The following SNX25 variants were observed in gnomAD, a reference collection of about 807,000 sequenced individuals.
The protein encoded by SNX25 is sorting nexin-25.
A neutral mutation model predicts 113.7 loss-of-function variants in SNX25; 62 were observed. The ratio of observed to expected loss-of-function variants is 0.55; its 90% CI spans 0.44 to 0.67. SNX25 has a LOEUF of 0.67. Ranked by LOEUF, SNX25 falls within the 30% of genes least tolerant of loss-of-function variation. The pLI, the probability that SNX25 is intolerant of heterozygous loss-of-function variation, is 0.00. For missense variants in SNX25, 1,014 were observed against 1,161.0 expected (o/e 0.87, Z 1.84); for synonymous variants, 421 against 436.2 (o/e 0.97, Z 0.43).
At chr4:185,301,413 A>G (rs1175372626) in intron 6 of SNX25, among the ~76,000 whole-genome samples, 1 of 151,894 alleles carries the variant, frequency 6.6e-6, no homozygotes, top group Non-Finnish European at 1.5e-5. Flanking sequence ...TGTTTTGGAG[A>G]CGGAGTCTCA....
At chr4:185,264,396 T>C (rs540306492) in intron 3 of SNX25, 42 bp from the exon 4 acceptor site, 1 of 1,582,776 alleles carries the variant, frequency 6.3e-7, no homozygotes, top group East Asian at 2.2e-5. Flanking sequence ...ATTGAATTGT[T>C]TCTAGAAACT....
At chr4:185,273,760 G>A (rs533131402) in intron 5 of SNX25, among the ~76,000 whole-genome samples, 2 of 152,270 alleles carry the variant, frequency 1.3e-5, no homozygotes, top group East Asian at 1.9e-4. Context: ...TACGTGAGAT[G>A]ATGCAGTGTT....
intron 18 of SNX25, 105 bp downstream of exon 18, chr4:185,362,816 C>A: frequency 2.4e-5 from 15 of 626,958 alleles, no homozygotes; most frequent in Non-Finnish European, 3.1e-5. Context: ...CTCATTCTCA[C>A]ATACTAGTCA....
In SNX25 at chr4:185,353,478, T is replaced by C. The variant is rs1311112327; in HGVS notation, c.2467-7T>C. On this transcript the variant is annotated splice_region_variant and splice_polypyrimidine_tract_variant and intron_variant, in intron 14 of 18. Transcript: ENST00000652585. ...ATCTGCTTCCTATGACTTTGCTGTA[T>C]TCCCAGGAGGAGACAGAGGAGGACA... The C allele has an allele frequency of 1.2e-6, 2 of 1,607,412 alleles. No individual in the cohort carries two copies. The highest frequency in any genetic ancestry group is 3.3e-5 in the Admixed American group (2 of 59,942).
intron 5 of SNX25, among the ~76,000 whole-genome samples, chr4:185,287,688 C>T (rs1751533345): frequency 6.6e-6 from 1 of 152,204 alleles, no homozygotes; most frequent in African/African-American, 2.4e-5. Flanking sequence ...AATCAGCTAG[C>T]TCTGCTCACC....
At chr4:185,212,365 A>G (rs1047508331) in intron 1 of SNX25, among the ~76,000 whole-genome samples, 3 of 151,858 alleles carry the variant, frequency 2.0e-5, no homozygotes, top group African/African-American at 7.3e-5. Flanking sequence ...TATTGCTTAG[A>G]ACTGAAATAC....
intron 15 of SNX25, among the ~76,000 whole-genome samples, chr4:185,354,816 A>G (rs1351030715): frequency 6.6e-6 from 1 of 152,248 alleles, no homozygotes; most frequent in Non-Finnish European, 1.5e-5. Context: ...TCATACCTAG[A>G]GCCTCAGTAC....
intron 5 of SNX25, among the ~76,000 whole-genome samples, chr4:185,278,066 G>T: frequency 6.6e-6 from 1 of 152,254 alleles, no homozygotes; most frequent in Non-Finnish European, 1.5e-5. Flanking sequence ...TTATTTAATT[G>T]TAAGTTTGTA....
intron 6 of SNX25, among the ~76,000 whole-genome samples, chr4:185,306,505 AG>A (rs1233775641): frequency 6.6e-6 from 1 of 152,182 alleles, no homozygotes; most frequent in Non-Finnish European, 1.5e-5. Context: ...ATTTTCTTCT[AG>A]GTTTTGTCCT....
At chr4:185,307,990 C>G (rs1754691886) in intron 6 of SNX25, among the ~76,000 whole-genome samples, 1 of 152,178 alleles carries the variant, frequency 6.6e-6, no homozygotes, top group Non-Finnish European at 1.5e-5. Flanking sequence ...AGCACCTACC[C>G]TCAAGTGACC....
chr4:185,357,865 G>A (rs982431260), intron 16 of SNX25, 128 bp downstream of exon 16: 23 of 779,092 alleles, frequency 3.0e-5, no homozygotes, highest in Middle Eastern at 4.7e-4. Context: ...TTTCGTTTCT[G>A]ATATGATTCT....
intron 5 of SNX25, among the ~76,000 whole-genome samples, chr4:185,285,633 C>G (rs1349636074): frequency 6.6e-6 from 1 of 152,246 alleles, no homozygotes; most frequent in East Asian, 1.9e-4. Flanking sequence ...CATACAGCAA[C>G]TTAAATGAGG....
At chr4:185,336,761 A>T (rs2095232601) in intron 10 of SNX25, among the ~76,000 whole-genome samples, 1 of 152,186 alleles carries the variant, frequency 6.6e-6, no homozygotes, top group Non-Finnish European at 1.5e-5. Context: ...TGGTTGTACT[A>T]GTTTACGTTC....
At chr4:185,332,103 T>C (rs1288571) in intron 9 of SNX25, among the ~76,000 whole-genome samples, 15,574 of 152,234 alleles carry the variant, frequency 0.1, 1,273 homozygotes, top group African/African-American at 0.23. Flanking sequence ...ACCTATTGAT[T>C]TGTAGAATAT....
chr4:185,246,666 G>A (rs909281380), intron 1 of SNX25, among the ~76,000 whole-genome samples: 1 of 151,890 alleles, frequency 6.6e-6, no homozygotes, highest in Non-Finnish European at 1.5e-5. Context: ...TTTACATTTC[G>A]ATTGCATCAT....
At chr4:185,284,471 G>T (rs1751066278) in intron 5 of SNX25, among the ~76,000 whole-genome samples, 1 of 152,186 alleles carries the variant, frequency 6.6e-6, no homozygotes, top group Non-Finnish European at 1.5e-5. Flanking sequence ...GATCTAGGTA[G>T]GTGGACAAGT....
At position 185,258,735 on chromosome 4, in the gene SNX25, T is replaced by C. The variant is rs1224821637; in HGVS notation, c.515-113T>C. 11 of 808,540 alleles carry C rather than the reference T, an allele frequency of 1.4e-5. No individual in the cohort carries two copies. The East Asian group carries it at 2.9e-4, about 21-fold the overall frequency. The allele number at this position is 808,540 out of a possible 1,614,324, so 50.1% of individuals were successfully genotyped here. The stretch of plus-strand genomic sequence containing the variant: ...TCATGAGTTCTGTTTTCTCCTCTCT[T>C]TAATTTTAAACAGTGAATATTAAAT... On this transcript the variant is annotated intron_variant, in intron 2 of 18. Coordinates refer to ENST00000652585, the MANE Select transcript of SNX25 (RefSeq NM_001378034.2).
Position 185,362,113 on chromosome 4 carries a change from C to CT in SNX25, c.2833+9dup. 3 of 1,604,222 alleles carry CT rather than the reference C, an allele frequency of 1.9e-6. No homozygotes were observed. The highest frequency in any genetic ancestry group is 2.6e-6 in the Non-Finnish European group (3 of 1,174,262). On this transcript the variant is annotated intron_variant, in intron 17 of 18. Transcript: ENST00000652585. ...TGCTTGAAAACATTCCAGGTGAGGCCTGGGCTATTAGCCTGAAAAGCATAG... is the reference window on the plus strand; with the variant it reads ...TGCTTGAAAACATTCCAGGTGAGGCCTTGGGCTATTAGCCTGAAAAGCATAG...
chr4:185,366,098 T>C (rs1284487776), downstream of SNX25: 2 of 152,336 alleles, frequency 1.3e-5, no homozygotes, highest in East Asian at 1.9e-4. Flanking sequence ...AAAAAAGGAA[T>C]AGTTAAGGTA....
Sources: gnomAD v4.1 joint callset for allele counts (sites outside exome capture counted in the v4.1 genomes callset) on GRCh38, gnomAD v4.1.1 for gene constraint, MANE v1.5 for transcripts, NCBI Gene and HGNC (gene_info 2026-07-23, HGNC 2026-07-21) for gene names.